SNTG1: variants seen among roughly 807,000 people sequenced by gnomAD.
SNTG1 encodes gamma-1-syntrophin.
Under a neutral mutation model 74.7 loss-of-function variants are expected in SNTG1, and 39 were observed. The observed-to-expected ratio is 0.52, with a 90% CI of 0.40 to 0.68. SNTG1 has a LOEUF of 0.68. Ranked by LOEUF, SNTG1 falls within the 30% of genes least tolerant of loss-of-function variation. The probability of loss-of-function intolerance (pLI) is 0.00; values close to 1 mark genes in which losing one functional copy is unlikely to be tolerated. For synonymous variants in SNTG1, 254 were observed against 217.1 expected (o/e 1.17, Z -1.49); for missense variants, 685 against 609.5 (o/e 1.12, Z -1.30).
chr8:50,311,227 A>G (rs1374457186), intron 2 of SNTG1, among the ~76,000 whole-genome samples: 2 of 152,178 alleles, frequency 1.3e-5, no homozygotes, highest in Non-Finnish European at 2.9e-5. Flanking sequence ...CACATAGTTA[A>G]GGGACTGTGG....
intron 2 of SNTG1, among the ~76,000 whole-genome samples, chr8:50,352,266 G>A (rs1278777641): frequency 6.6e-6 from 1 of 152,142 alleles, no homozygotes; most frequent in Non-Finnish European, 1.5e-5. Flanking sequence ...TTGAACTAAT[G>A]TGTCCCTGTT....
intron 2 of SNTG1, among the ~76,000 whole-genome samples, chr8:50,212,440 C>T (rs1296839394): frequency 6.6e-6 from 1 of 152,078 alleles, no homozygotes; most frequent in Non-Finnish European, 1.5e-5. Flanking sequence ...TGAACATAAT[C>T]TCTCCATACC....
chr8:50,386,200 T>G (rs2092571226), intron 2 of SNTG1, among the ~76,000 whole-genome samples: 1 of 152,104 alleles, frequency 6.6e-6, no homozygotes, highest in African/African-American at 2.4e-5. Flanking sequence ...ATACAATGTG[T>G]TCACAGACTA....
At chr8:50,149,374 G>A (rs916125530) in intron 1 of SNTG1, among the ~76,000 whole-genome samples, 1 of 152,152 alleles carries the variant, frequency 6.6e-6, no homozygotes, top group Non-Finnish European at 1.5e-5. Flanking sequence ...TTCTTTTGCT[G>A]TGCAGAAGCT....
intron 11 of SNTG1, among the ~76,000 whole-genome samples, chr8:50,540,550 A>AT (rs1353651540): frequency 2.0e-5 from 3 of 151,934 alleles, no homozygotes; most frequent in Non-Finnish European, 4.4e-5. Context: ...ATCATTCATG[A>AT]TTTTTTTCTG....
intron 2 of SNTG1, among the ~76,000 whole-genome samples, chr8:50,376,151 C>T (rs576792069): frequency 7.9e-5 from 12 of 152,250 alleles, no homozygotes; most frequent in Middle Eastern, 3.4e-3. Context: ...AGCTTTCCTG[C>T]GTCTGCTGCA....
chr8:50,752,801 C>T (rs542488255), intron 18 of SNTG1, among the ~76,000 whole-genome samples: 59 of 152,086 alleles, frequency 3.9e-4, no homozygotes, highest in African/African-American at 1.3e-3. Context: ...GCAAAGTATC[C>T]TGTAACACTG....
At chr8:50,422,270 A>ATCTATCTATCTATCTAT (rs61696608) in intron 4 of SNTG1, among the ~76,000 whole-genome samples, 81 of 151,698 alleles carry the variant, frequency 5.3e-4, no homozygotes, top group African/African-American at 1.6e-3. Context: ...CTATCTATCT[A>ATCTATCTATCTATCTAT]CTATCTATCT....
intron 9 of SNTG1, among the ~76,000 whole-genome samples, chr8:50,521,114 T>C (rs1349659483): frequency 6.6e-6 from 1 of 152,182 alleles, no homozygotes; most frequent in Non-Finnish European, 1.5e-5. Flanking sequence ...TTCATGTTCT[T>C]TGCAGTGACA....
intron 1 of SNTG1, among the ~76,000 whole-genome samples, chr8:50,024,337 CA>C (rs1277892929): frequency 6.6e-6 from 1 of 152,058 alleles, no homozygotes; most frequent in Non-Finnish European, 1.5e-5. Context: ...TCCAGAACTA[CA>C]AAAAGGAATA....
intron 2 of SNTG1, among the ~76,000 whole-genome samples, chr8:50,233,229 G>A (rs2085720935): frequency 6.6e-6 from 1 of 151,710 alleles, no homozygotes; most frequent in East Asian, 1.9e-4. Flanking sequence ...CAATGGACCG[G>A]AAGAGATGGC....
At chr8:50,118,263 A>G (rs1339888748) in intron 1 of SNTG1, among the ~76,000 whole-genome samples, 2 of 152,132 alleles carry the variant, frequency 1.3e-5, no homozygotes, top group Admixed American at 6.6e-5. Context: ...TGGAGAAGAC[A>G]CTACAACTCC....
chr8:50,617,504 A>C (rs1368906788), intron 13 of SNTG1, among the ~76,000 whole-genome samples: 1 of 152,238 alleles, frequency 6.6e-6, no homozygotes, highest in Non-Finnish European at 1.5e-5. Context: ...GTGGAAACAG[A>C]AATCTTGTTG....
At chr8:50,726,005 G>A (rs1435433918) in intron 17 of SNTG1, among the ~76,000 whole-genome samples, 1 of 152,110 alleles carries the variant, frequency 6.6e-6, no homozygotes, top group African/African-American at 2.4e-5. Context: ...TTCCCTCTCA[G>A]GTTATAACAC....
chr8:50,069,717 C>T (rs2130993361), intron 1 of SNTG1, among the ~76,000 whole-genome samples: 1 of 149,884 alleles, frequency 6.7e-6, no homozygotes. Flanking sequence ...TGACTTCTCC[C>T]CAGAGTACCC....
chr8:50,537,820 C>T (rs1219352334), intron 11 of SNTG1, among the ~76,000 whole-genome samples: 1 of 152,244 alleles, frequency 6.6e-6, no homozygotes, highest in East Asian at 1.9e-4. Context: ...ACAAAAATAG[C>T]CATATACAAT....
chr8:50,066,119 G>A (rs1222255911), intron 1 of SNTG1, among the ~76,000 whole-genome samples: 1 of 152,108 alleles, frequency 6.6e-6, no homozygotes. Context: ...GGAGGCTGAG[G>A]CAGGAGAATC....
chr8:50,293,699 T>C (rs2089236907), intron 2 of SNTG1, among the ~76,000 whole-genome samples: 1 of 152,078 alleles, frequency 6.6e-6, no homozygotes, highest in South Asian at 2.1e-4. Context: ...CGTGAGCCAC[T>C]GTGCCCTGCA....
At chr8:50,275,178 G>C (rs1289933902) in intron 2 of SNTG1, among the ~76,000 whole-genome samples, 1 of 151,866 alleles carries the variant, frequency 6.6e-6, no homozygotes, top group Non-Finnish European at 1.5e-5. Flanking sequence ...AAATCATCCA[G>C]GTCTGGTATT....
Sources: gnomAD v4.1 joint callset for allele counts (sites outside exome capture counted in the v4.1 genomes callset) on GRCh38, gnomAD v4.1.1 for gene constraint, MANE v1.5 for transcripts, NCBI Gene and HGNC (gene_info 2026-07-23, HGNC 2026-07-21) for gene names.